LAMA3: variants seen among roughly 807,000 people sequenced by gnomAD.
LAMA3 encodes the protein laminin subunit alpha 3.
Under a neutral mutation model 402.0 loss-of-function variants are expected in LAMA3, and 281 were observed. The observed-to-expected ratio is 0.70, with a 90% CI of 0.63 to 0.77. The LOEUF (loss-of-function observed/expected upper bound fraction) is 0.77. Ranked by LOEUF, LAMA3 falls within the 30% of genes least tolerant of loss-of-function variation. LAMA3 has a pLI of 0.00. For missense variants in LAMA3, 3,840 were observed against 4,215.5 expected (o/e 0.91, Z 2.47); for synonymous variants, 1,431 against 1,558.4 (o/e 0.92, Z 1.93).
intron 11 of LAMA3, among the ~76,000 whole-genome samples, chr18:23,779,730 G>C (rs990836494): frequency 6.6e-6 from 1 of 152,140 alleles, no homozygotes; most frequent in Non-Finnish European, 1.5e-5. Flanking sequence ...GTAGGGAGAA[G>C]GTATGAGAGT....
intron 35 of LAMA3, among the ~76,000 whole-genome samples, chr18:23,864,225 A>AT (rs397974254): frequency 0.014 from 1,893 of 140,042 alleles, 31 homozygotes; most frequent in African/African-American, 0.036. Context: ...TCTTTCTTTC[A>AT]TTTTTTTTTT....
chr18:23,807,478 A>C (rs75261733), intron 12 of LAMA3, among the ~76,000 whole-genome samples: 7 of 132,754 alleles, frequency 5.3e-5, no homozygotes, highest in Non-Finnish European at 7.8e-5. Context: ...GTGTGTGTGT[A>C]TGTGTGTGTG....
rs2081728526 is a variant in LAMA3, at chr18:23,918,723, C to T, written c.7923+2028C>T. On this transcript the variant is annotated intron_variant, in intron 60 of 74. Coordinates refer to ENST00000313654, the MANE Select transcript of LAMA3 (RefSeq NM_198129.4). The surrounding 1 kb of genome is among the most constrained non-coding windows in gnomAD (Gnocchi z 4.1). The stretch of plus-strand genomic sequence containing the variant: ...CGGTGAATAGGAGCTTCTGTAGTTG[C>T]TCTCACGGAGTATTTCTGAAGAAAT... 1.3e-5 allele frequency among the ~76,000 whole-genome samples: 2 copies of T among 152,204 alleles called. No individual in the cohort carries two copies. Among genetic ancestry groups the T allele is most frequent in the African/African-American group, 4.8e-5 (2 of 41,462 alleles).
chr18:23,831,345 C>T (rs981214497), intron 23 of LAMA3, among the ~76,000 whole-genome samples: 4 of 152,168 alleles, frequency 2.6e-5, no homozygotes, highest in Non-Finnish European at 5.9e-5. Flanking sequence ...CTCTCTGTTT[C>T]TCTGCTCCTC....
At chr18:23,951,271 G>A (rs2082898175) in intron 72 of LAMA3, among the ~76,000 whole-genome samples, 1 of 152,206 alleles carries the variant, frequency 6.6e-6, no homozygotes, top group Admixed American at 6.5e-5. Context: ...ACAGTTGGCT[G>A]GCCCTTGCAG....
rs373289004 is a variant in LAMA3, at chr18:23,758,434, C to T, written c.986C>T (p.Thr329Met). ...TGCCAGCACCACACCTGTGGGGAGACGTGTGATCGCTGCTGCACAGGGTAC... is the reference window on the plus strand; with the variant it reads ...TGCCAGCACCACACCTGTGGGGAGATGTGTGATCGCTGCTGCACAGGGTAC... Reference protein sequence around the residue: ...CECQHHTCGETCDRCCTGYNQ... With the variant: ...CECQHHTCGEMCDRCCTGYNQ... The change falls in exon 7 of 75, where the codon ACG (threonine) becomes ATG (methionine). Residue 329 changes from threonine to methionine, a missense_variant. Coordinates refer to ENST00000313654, the MANE Select transcript of LAMA3 (RefSeq NM_198129.4). The T allele has an allele frequency of 3.6e-5, 58 of 1,614,070 alleles. No individual in the cohort carries two copies. Among genetic ancestry groups the T allele is most frequent in the African/African-American group, 5.3e-5 (4 of 74,952 alleles).
chr18:23,953,344 T>C (rs1443827614), intron 74 of LAMA3, among the ~76,000 whole-genome samples: 1 of 146,948 alleles, frequency 6.8e-6, no homozygotes, highest in Non-Finnish European at 1.5e-5. Flanking sequence ...TTTTGTTTTT[T>C]TTTTTGTTTT....
intron 61 of LAMA3, among the ~76,000 whole-genome samples, 177 bp downstream of exon 61, chr18:23,921,231 A>G (rs987835637): frequency 1.3e-5 from 2 of 152,240 alleles, no homozygotes; most frequent in African/African-American, 4.8e-5. Flanking sequence ...TATAACATAT[A>G]CATGATATCT....
At chr18:23,694,324 A>C (rs2060645710) in intron 1 of LAMA3, among the ~76,000 whole-genome samples, 2 of 152,194 alleles carry the variant, frequency 1.3e-5, no homozygotes, top group African/African-American at 4.8e-5. Context: ...TACTGTGCAT[A>C]CTGTGTATAG....
Position 23,953,101 on chromosome 18 carries a change from G to A in LAMA3, c.9848G>A (p.Gly3283Asp), listed in dbSNP as rs763342168. The A allele has an allele frequency of 2.3e-5, 37 of 1,613,878 alleles. No individual in the cohort carries two copies. The highest frequency in any genetic ancestry group is 3.0e-5 in the Non-Finnish European group (35 of 1,179,934). The change falls in exon 74 of 75, where the codon GGT (glycine) becomes GAT (aspartate). Residue 3283 changes from glycine to aspartate, a missense_variant. By Grantham distance (94) the Gly-to-Asp change is moderately conservative. Coordinates refer to ENST00000313654, the MANE Select transcript of LAMA3 (RefSeq NM_198129.4). Reference sequence around the variant, plus strand: ...ACTCAAGAGCCACTACACCTTGGAGGTGCTCCAGGTAACTCTTGTCCTGAC... The same window carrying A: ...ACTCAAGAGCCACTACACCTTGGAGATGCTCCAGGTAACTCTTGTCCTGAC... ...ASTQEPLHLG[G>D]APANLTTLRI... is the part of the protein sequence containing the mutation.
intron 17 of LAMA3, among the ~76,000 whole-genome samples, chr18:23,815,782 C>G (rs2063164156): frequency 6.6e-6 from 1 of 152,136 alleles, no homozygotes; most frequent in African/African-American, 2.4e-5. Context: ...TCTACCAGCA[C>G]ACTGTGGGTT....
chr18:23,949,828 T>C lies in LAMA3; in HGVS notation c.9415T>C (p.Tyr3139His). 6.2e-7 allele frequency: 1 copy of C among 1,614,108 alleles called. No homozygotes were observed. The change falls in exon 71 of 75, where the codon TAT becomes CAT. Residue 3139 changes from tyrosine to histidine, a missense_variant. Coordinates refer to ENST00000313654, the MANE Select transcript of LAMA3 (RefSeq NM_198129.4). ...KNFQLDSKPL[Y>H]TPSSSFGVSS... ...CTTTCAGCTGGATTCAAAACCCTTG[T>C]ATACCCCTTCTTCAAGCTTCGGGGT...
chr18:23,746,506 G>A (rs907032959), intron 2 of LAMA3, among the ~76,000 whole-genome samples: 2 of 152,114 alleles, frequency 1.3e-5, no homozygotes, highest in Non-Finnish European at 2.9e-5. Context: ...GCAGGTGTGG[G>A]AATCCAGCTT....
Position 23,839,571 on chromosome 18 carries a change from C to G in LAMA3, c.3192-214C>G, listed in dbSNP as rs942392445. Among the ~76,000 whole-genome samples the G allele has an allele frequency of 7.2e-5, 11 of 152,174 alleles. No individual in the cohort carries two copies. The highest frequency in any genetic ancestry group is 1.3e-4 in the Non-Finnish European group (9 of 68,024). On this transcript the variant is annotated intron_variant, in intron 26 of 74. Coordinates refer to ENST00000313654, the MANE Select transcript of LAMA3 (RefSeq NM_198129.4). The surrounding 1 kb of genome is among the most constrained non-coding windows in gnomAD (Gnocchi z 4.5). ...TACTTTACTTCAAAATTAAGATTCT[C>G]TCTGTTTCAACTAGTTCAATGGAAC...
At position 23,914,680 on chromosome 18, in the gene LAMA3, T is replaced by C. The variant is rs1311794748; in HGVS notation, c.7482-18T>C. The C allele has an allele frequency of 3.1e-6, 5 of 1,604,812 alleles. No individual in the cohort carries two copies. The South Asian group carries it at 5.5e-5, about 18-fold the overall frequency. The stretch of plus-strand genomic sequence containing the variant: ...AAATTTTTTGTTTAACTTTATTATC[T>C]AAATTCATTTTAAACAGAATTTATC... On this transcript the variant is annotated intron_variant, in intron 57 of 74. Transcript: ENST00000313654.
At chr18:23,916,519 G>A (rs770650020) in intron 59 of LAMA3, 32 bp from the exon 60 acceptor site, 1 of 1,612,746 alleles carries the variant, frequency 6.2e-7, no homozygotes, top group Non-Finnish European at 8.5e-7. Flanking sequence ...ATTTGCTGCT[G>A]TGTTCTAATT....
intron 11 of LAMA3, among the ~76,000 whole-genome samples, chr18:23,778,506 T>C (rs374233962): frequency 6.6e-6 from 1 of 152,102 alleles, no homozygotes; most frequent in African/African-American, 2.4e-5. Flanking sequence ...AACTAACTCA[T>C]GTGAGAAGAT....
chr18:23,827,496 G>A (rs762164805), intron 23 of LAMA3, 29 bp downstream of exon 23: 1 of 1,611,040 alleles, frequency 6.2e-7, no homozygotes, highest in South Asian at 1.1e-5. Flanking sequence ...TATTATCAAA[G>A]TTATTACTAC....
intron 2 of LAMA3, among the ~76,000 whole-genome samples, chr18:23,714,314 G>C (rs529645332): frequency 6.6e-6 from 1 of 152,154 alleles, no homozygotes; most frequent in Non-Finnish European, 1.5e-5. Context: ...GAAGTCAGGA[G>C]TTTGAGACCA....
Sources: allele counts gnomAD v4.1 joint callset (sites outside exome capture counted in the v4.1 genomes callset), GRCh38; gene constraint gnomAD v4.1.1; non-coding constraint Gnocchi (gnomAD v3.1); transcripts MANE v1.5; gene names NCBI Gene and HGNC (gene_info 2026-07-23, HGNC 2026-07-21).